The following RALA variants were observed in gnomAD, a reference collection of about 807,000 sequenced individuals.
RALA encodes RAS like proto-oncogene A.
RALA carries 5 observed loss-of-function variants against 24.0 expected under a neutral mutation model. The observed-to-expected ratio is 0.21, with a 90% confidence interval of 0.11 to 0.44. RALA has a LOEUF of 0.44. RALA is among the 20% of genes least tolerant of loss of function. The pLI is 0.99. For synonymous variants in RALA, 77 were observed against 83.8 expected, an observed-to-expected ratio of 0.92 and a Z score of 0.44; for missense variants, 95 against 241.2, an observed-to-expected ratio of 0.39 and a Z score of 4.01.
At chr7:39,664,952 CTTA>C (rs1362029280) in intron 1 of RALA, among the ~76,000 whole-genome samples, 6 of 152,162 alleles carry the variant, frequency 3.9e-5, no homozygotes, top group African/African-American at 1.4e-4. Flanking sequence ...CAGAAGGGTT[CTTA>C]TTATTCAAGA....
intron 2 of RALA, among the ~76,000 whole-genome samples, chr7:39,688,530 T>C (rs1326194864): frequency 6.6e-6 from 1 of 151,976 alleles, no homozygotes; most frequent in Admixed American, 6.6e-5. Flanking sequence ...CTTAAATCAG[T>C]CTCCTCTTGA....
chr7:39,697,169 G>GT (rs1293782500), intron 4 of RALA, among the ~76,000 whole-genome samples: 1 of 152,042 alleles, frequency 6.6e-6, no homozygotes, highest in Non-Finnish European at 1.5e-5. Flanking sequence ...AAGGAATCGT[G>GT]TGAGTCCCAA....
intron 4 of RALA, chr7:39,700,372 G>T (rs1793004209): frequency 6.6e-6 from 1 of 152,256 alleles, no homozygotes; most frequent in Non-Finnish European, 1.5e-5. Flanking sequence ...GTTCGCACAT[G>T]TCTGGCTCAG....
intron 4 of RALA, among the ~76,000 whole-genome samples, chr7:39,699,118 G>GTTTTTTTTTTTTTTTTTT (rs1209729467): frequency 2.4e-5 from 2 of 84,146 alleles, no homozygotes; most frequent in African/African-American, 9.4e-5. Flanking sequence ...TGCTAAAAAT[G>GTTTTTTTTTTTTTTTTTT]TTATTTTTTT....
In RALA at chr7:39,706,707, T is replaced by G. The variant is rs1315246360; in HGVS notation, c.*462T>G. 1 of 152,632 alleles carries G rather than the reference T, an allele frequency of 6.6e-6. No homozygotes were observed. Among genetic ancestry groups the G allele is most frequent in the Non-Finnish European group, 1.5e-5 (1 of 68,294 alleles). The allele number at this position is 152,632 out of a possible 1,614,324, so 9.5% of individuals were successfully genotyped here. Reference sequence around the variant, plus strand: ...TTTTTTAACCATTATTATGCAAAATTTAGAAGAAAAGTTATTGGCATGGTT... The same window carrying G: ...TTTTTTAACCATTATTATGCAAAATGTAGAAGAAAAGTTATTGGCATGGTT... On this transcript the variant is annotated 3_prime_UTR_variant, in exon 5 of 5. Coordinates refer to ENST00000005257, the MANE Select transcript of RALA (RefSeq NM_005402.4).
intron 1 of RALA, among the ~76,000 whole-genome samples, chr7:39,643,253 G>A (rs1430157970): frequency 6.6e-6 from 1 of 152,194 alleles, no homozygotes; most frequent in Admixed American, 6.5e-5. Flanking sequence ...TTATGTATCT[G>A]ATGCATAAGA....
At chr7:39,624,842 T>G (rs1791453678) in intron 1 of RALA, among the ~76,000 whole-genome samples, 1 of 152,256 alleles carries the variant, frequency 6.6e-6, no homozygotes, top group Non-Finnish European at 1.5e-5. Flanking sequence ...TTAATCATAT[T>G]CCAGAAATTG....
intron 1 of RALA, among the ~76,000 whole-genome samples, chr7:39,647,961 C>A (rs1220700354): frequency 6.6e-6 from 1 of 152,140 alleles, no homozygotes; most frequent in Non-Finnish European, 1.5e-5. Flanking sequence ...AGTCTTAGAT[C>A]TATTTTAAGC....
intron 1 of RALA, among the ~76,000 whole-genome samples, chr7:39,670,490 T>C (rs1444767235): frequency 1.3e-5 from 2 of 152,156 alleles, no homozygotes; most frequent in Non-Finnish European, 2.9e-5. Flanking sequence ...TTAAATTCAG[T>C]AAATAAAAAC....
At chr7:39,700,275 T>A (rs552081023) in intron 4 of RALA, 1 of 152,380 alleles carries the variant, frequency 6.6e-6, no homozygotes, top group South Asian at 2.1e-4. Context: ...TGGAAATGGC[T>A]TGGCTCTGCT....
At chr7:39,659,850 C>T (rs1792157014) in intron 1 of RALA, among the ~76,000 whole-genome samples, 1 of 152,076 alleles carries the variant, frequency 6.6e-6, no homozygotes, top group African/African-American at 2.4e-5. Flanking sequence ...GTTGCACTTG[C>T]TTTAGTGGCA....
chr7:39,630,167 C>G (rs939667546), intron 1 of RALA, among the ~76,000 whole-genome samples: 9 of 152,048 alleles, frequency 5.9e-5, no homozygotes, highest in Non-Finnish European at 1.3e-4. Context: ...CCTCAGCCTC[C>G]TGAGTAGCTG....
chr7:39,689,787 G>A (rs765208660), intron 2 of RALA, among the ~76,000 whole-genome samples: 2 of 152,094 alleles, frequency 1.3e-5, no homozygotes, highest in African/African-American at 2.4e-5. Flanking sequence ...GCCTGCCTAC[G>A]GTTTATCAAG....
In RALA at chr7:39,667,953, G is replaced by A. The variant is rs139876006; in HGVS notation, c.-37-18678G>A. On this transcript the variant is annotated intron_variant, in intron 1 of 4. Coordinates refer to ENST00000005257, the MANE Select transcript of RALA (RefSeq NM_005402.4). Reference sequence around the variant, plus strand: ...GTGAGAAGCAGATCTACCCAACAACGGAGGAAACTTACTATAGTGGACTGG... The same window carrying A: ...GTGAGAAGCAGATCTACCCAACAACAGAGGAAACTTACTATAGTGGACTGG... Among the ~76,000 whole-genome samples, 200 of 152,244 alleles carry A rather than the reference G, an allele frequency of 1.3e-3. 1 individual carries two copies. Among genetic ancestry groups the A allele is most frequent in the African/African-American group, 4.6e-3 (192 of 41,526 alleles).
chr7:39,655,542 T>G (rs1301791679), intron 1 of RALA, among the ~76,000 whole-genome samples: 1 of 152,228 alleles, frequency 6.6e-6, no homozygotes, highest in Non-Finnish European at 1.5e-5. Flanking sequence ...AATAACATAG[T>G]GGCTAGATAA....
intron 4 of RALA, among the ~76,000 whole-genome samples, chr7:39,705,585 C>T (rs1793106718): frequency 6.6e-6 from 1 of 152,000 alleles, no homozygotes; most frequent in South Asian, 2.1e-4. Context: ...CTGATAAATT[C>T]TCAAATACAG....
chr7:39,674,862 T>C (rs1173321121), intron 1 of RALA, among the ~76,000 whole-genome samples: 1 of 148,702 alleles, frequency 6.7e-6, no homozygotes, highest in Non-Finnish European at 1.5e-5. Context: ...CTTCCTCTGT[T>C]GCCCAGGCTG....
chr7:39,643,024 C>T (rs924802272), intron 1 of RALA, among the ~76,000 whole-genome samples: 1 of 152,186 alleles, frequency 6.6e-6, no homozygotes, highest in Non-Finnish European at 1.5e-5. Context: ...ACACATAAGG[C>T]AGGAGGAAGT....
chr7:39,706,050 A>G, intron 4 of RALA, 73 bp from the exon 5 acceptor site: 2 of 1,350,684 alleles, frequency 1.5e-6, no homozygotes, highest in Non-Finnish European at 2.0e-6. Context: ...CCCAAAGTTT[A>G]CTGCTGTGAT....
Sources: gnomAD v4.1 joint callset for allele counts (sites outside exome capture counted in the v4.1 genomes callset) on GRCh38, gnomAD v4.1.1 for gene constraint, MANE v1.5 for transcripts, NCBI Gene and HGNC (gene_info 2026-07-23, HGNC 2026-07-21) for gene names.